ADAMTSL1: variants seen among roughly 807,000 people sequenced by gnomAD.
ADAMTSL1 encodes ADAMTS-like protein 1.
Under a neutral mutation model 201.8 loss-of-function variants are expected in ADAMTSL1, and 126 were observed. The ratio of observed to expected loss-of-function variants is 0.62; its 90% CI spans 0.54 to 0.72. The LOEUF is 0.72. Among genes scored for constraint, ADAMTSL1 ranks in the 30% least tolerant of loss-of-function variants. The pLI, the probability that ADAMTSL1 is intolerant of heterozygous loss-of-function variation, is 0.00. For missense variants in ADAMTSL1, 2,679 were observed against 2,277.8 expected (o/e 1.18, Z -3.59); for synonymous variants, 1,121 against 903.4 (o/e 1.24, Z -4.32).
intron 2 of ADAMTSL1, among the ~76,000 whole-genome samples, chr9:18,222,108 G>T (rs1346572337): frequency 1.3e-5 from 2 of 151,730 alleles, no homozygotes; most frequent in African/African-American, 4.8e-5. Context: ...CTATGATTTT[G>T]TTTGATTAGT....
At position 18,053,177 on chromosome 9, in the gene ADAMTSL1, A is replaced by G. The variant is rs1822012298; in HGVS notation, c.88-110685A>G. On this transcript the variant is annotated intron_variant, in intron 1 of 29. Transcript: ENST00000680146. ...CTTTTTGCCTGAGAATGCAGGTTGG[A>G]CTTCATGGAGAAGGGTCTTCAGGTG... 2.0e-5 allele frequency among the ~76,000 whole-genome samples: 3 copies of G among 152,274 alleles called. No individual in the cohort carries two copies. The South Asian group carries it at 6.2e-4, about 32-fold the overall frequency.
At position 18,891,957 on chromosome 9, in the gene ADAMTSL1, CATCACCTCCAA is replaced by C. The variant is rs143197321; in HGVS notation, c.4644-419_4644-409del. Among the ~76,000 whole-genome samples, 1,097 of 152,364 alleles carry C rather than the reference CATCACCTCCAA, an allele frequency of 7.2e-3. 7 individuals are homozygous for C. Among genetic ancestry groups the C allele is most frequent in the African/African-American group, 0.018 (762 of 41,580 alleles). On this transcript the variant is annotated intron_variant, in intron 25 of 28. Transcript: ENST00000380548. Reference sequence around the variant, plus strand: ...AGGTATCTATCAATCAGGAGGATCACATCACCTCCAAATCACCTCCAAAGGTTCTAGGAGAG... The same window carrying C: ...AGGTATCTATCAATCAGGAGGATCACATCACCTCCAAAGGTTCTAGGAGAG...
At chr9:18,541,839 C>T (rs1018036892) in intron 3 of ADAMTSL1, among the ~76,000 whole-genome samples, 1 of 152,200 alleles carries the variant, frequency 6.6e-6, no homozygotes, top group Admixed American at 6.5e-5. Context: ...GTGATATGCT[C>T]ATAGCATGGA....
At chr9:18,324,749 A>C (rs1420817792) in intron 2 of ADAMTSL1, among the ~76,000 whole-genome samples, 3 of 151,232 alleles carry the variant, frequency 2.0e-5, no homozygotes, top group Non-Finnish European at 4.4e-5. Context: ...GGGCAACAAG[A>C]GCGAAACTCC....
intron 4 of ADAMTSL1, among the ~76,000 whole-genome samples, chr9:18,616,544 AAAT>A (rs1825712056): frequency 6.6e-6 from 1 of 152,202 alleles, no homozygotes. Flanking sequence ...TTTATTACAC[AAAT>A]ATTCATTGTC....
At chr9:18,729,334 T>C (rs1225468227) in intron 15 of ADAMTSL1, among the ~76,000 whole-genome samples, 1 of 152,200 alleles carries the variant, frequency 6.6e-6, no homozygotes, top group Admixed American at 6.5e-5. Flanking sequence ...GAAAAATACC[T>C]TGAGTCAAAT....
chr9:18,833,850 T>G (rs1404395086), intron 23 of ADAMTSL1, among the ~76,000 whole-genome samples: 1 of 152,214 alleles, frequency 6.6e-6, no homozygotes, highest in African/African-American at 2.4e-5. Context: ...CAATCCATCT[T>G]GAGTTAATTT....
chr9:18,896,924 C>T (rs1475856982), intron 26 of ADAMTSL1, among the ~76,000 whole-genome samples: 2 of 152,088 alleles, frequency 1.3e-5, no homozygotes, highest in Admixed American at 6.5e-5. Flanking sequence ...GAAGTTAAGA[C>T]CCACTGGCTT....
chr9:18,812,869 T>A (rs777337684), intron 20 of ADAMTSL1, among the ~76,000 whole-genome samples: 3 of 152,074 alleles, frequency 2.0e-5, no homozygotes, highest in Non-Finnish European at 2.9e-5. Context: ...GTTCCATGGG[T>A]TTATGTGTCT....
intron 1 of ADAMTSL1, among the ~76,000 whole-genome samples, chr9:18,125,293 C>G (rs1261911319): frequency 6.6e-6 from 1 of 152,116 alleles, no homozygotes; most frequent in Non-Finnish European, 1.5e-5. Flanking sequence ...GACTCATTCA[C>G]TACCATGAGA....
intron 1 of ADAMTSL1, among the ~76,000 whole-genome samples, chr9:18,025,093 G>T (rs981434261): frequency 1.3e-5 from 2 of 151,544 alleles, no homozygotes; most frequent in Non-Finnish European, 2.9e-5. Flanking sequence ...CATTTCCTTC[G>T]CCTACTTTTT....
At chr9:17,922,950 G>T (rs1387266315) in intron 1 of ADAMTSL1, among the ~76,000 whole-genome samples, 1 of 152,146 alleles carries the variant, frequency 6.6e-6, no homozygotes, top group Non-Finnish European at 1.5e-5. Flanking sequence ...CGCCCCTCGT[G>T]TAACCTGCTG....
chr9:18,390,789 C>T (rs1838013062), intron 2 of ADAMTSL1, among the ~76,000 whole-genome samples: 2 of 151,414 alleles, frequency 1.3e-5, no homozygotes, highest in South Asian at 4.2e-4. Flanking sequence ...TACAAAAATA[C>T]AAAAAAACAA....
At position 18,741,296 on chromosome 9, in the gene ADAMTSL1, T is replaced by C. The variant is rs552055959; in HGVS notation, c.2007-12002T>C. The stretch of plus-strand genomic sequence containing the variant: ...CAGCAAGTAAATGCATGAATACGAG[T>C]ACACATACACATGTGAGTGGCTGAA... On this transcript the variant is annotated intron_variant, in intron 15 of 28. Coordinates refer to ENST00000380548, the MANE Select transcript of ADAMTSL1 (RefSeq NM_001040272.6). 4.7e-4 allele frequency among the ~76,000 whole-genome samples: 71 copies of C among 150,200 alleles called. 1 individual carries two copies. Among genetic ancestry groups the C allele is most frequent in the African/African-American group, 1.6e-3 (66 of 40,820 alleles).
At chr9:18,712,174 T>G (rs1390794175) in intron 14 of ADAMTSL1, among the ~76,000 whole-genome samples, 4 of 151,964 alleles carry the variant, frequency 2.6e-5, no homozygotes, top group Non-Finnish European at 5.9e-5. Context: ...AACTGGAAAC[T>G]CTAAAAAGCA....
At chr9:18,668,914 G>T (rs1392900028) in intron 9 of ADAMTSL1, among the ~76,000 whole-genome samples, 2 of 152,254 alleles carry the variant, frequency 1.3e-5, no homozygotes, top group Non-Finnish European at 2.9e-5. Flanking sequence ...GAGAGGTTAA[G>T]TGTTAGGGCC....
At chr9:18,558,858 GT>G (rs899414249) in intron 3 of ADAMTSL1, among the ~76,000 whole-genome samples, 116 of 152,034 alleles carry the variant, frequency 7.6e-4, no homozygotes, top group African/African-American at 2.7e-3. Context: ...TGATAGGGTT[GT>G]TTTTTTCTGG....
chr9:18,462,562 G>T (rs1820847675), intron 2 of ADAMTSL1, among the ~76,000 whole-genome samples: 1 of 152,098 alleles, frequency 6.6e-6, no homozygotes, highest in Non-Finnish European at 1.5e-5. Flanking sequence ...GTCCAATTCA[G>T]GGTGACAGAC....
chr9:18,319,790 C>G (rs1834550088), intron 2 of ADAMTSL1, among the ~76,000 whole-genome samples: 1 of 152,172 alleles, frequency 6.6e-6, no homozygotes. Flanking sequence ...ATGTGCACAT[C>G]TTAATCACCT....
Sources: allele counts gnomAD v4.1 joint callset (sites outside exome capture counted in the v4.1 genomes callset), GRCh38; gene constraint gnomAD v4.1.1; transcripts MANE v1.5; gene names NCBI Gene and HGNC (gene_info 2026-07-23, HGNC 2026-07-21).